The following TRPM3 variants were observed in gnomAD, a reference collection of about 807,000 sequenced individuals.
TRPM3 encodes transient receptor potential cation channel subfamily M member 3.
In TRPM3, 77 loss-of-function variants were observed where a neutral mutation model predicts 181.2. The ratio of observed to expected loss-of-function variants is 0.42; its 90% CI spans 0.35 to 0.51. The LOEUF (loss-of-function observed/expected upper bound fraction) is 0.51, where lower values mean the gene tolerates loss of function less well. TRPM3 is among the 20% of genes least tolerant of loss of function. The pLI, the probability that TRPM3 is intolerant of heterozygous loss-of-function variation, is 0.01. For synonymous variants in TRPM3, 745 were observed against 796.4 expected (o/e 0.94, Z 1.09); for missense variants, 1,759 against 2,196.7 (o/e 0.80, Z 3.98).
chr9:70,938,547 ATGG>A (rs1589920260), intron 1 of TRPM3, among the ~76,000 whole-genome samples: 1 of 151,972 alleles, frequency 6.6e-6, no homozygotes, highest in Non-Finnish European at 1.5e-5. Context: ...CATTCTTTAA[ATGG>A]TGATATCCAT....
intron 6 of TRPM3, 195 bp downstream of exon 6, chr9:70,827,652 G>A (rs1473481436): frequency 3.5e-6 from 2 of 572,088 alleles, no homozygotes; most frequent in Non-Finnish European, 6.0e-6. Context: ...CACTAATTGT[G>A]TAATTACTTC....
At chr9:70,636,835 G>A (rs148684341) in intron 11 of TRPM3, among the ~76,000 whole-genome samples, 32 of 151,880 alleles carry the variant, frequency 2.1e-4, no homozygotes, top group South Asian at 4.2e-4. Flanking sequence ...TTACAGATGT[G>A]CACCACCATG....
At chr9:71,114,585 T>C (rs908940434) in intron 1 of TRPM3, among the ~76,000 whole-genome samples, 1 of 152,166 alleles carries the variant, frequency 6.6e-6, no homozygotes, top group African/African-American at 2.4e-5. Context: ...TCCAGAATCG[T>C]TGGTTAGTTT....
At chr9:70,680,318 A>T (rs2065103318) in intron 9 of TRPM3, among the ~76,000 whole-genome samples, 1 of 152,226 alleles carries the variant, frequency 6.6e-6, no homozygotes. Context: ...TAACGTTTAC[A>T]GTATTTGTAA....
intron 1 of TRPM3, among the ~76,000 whole-genome samples, chr9:71,105,029 C>A (rs891732925): frequency 1.3e-5 from 2 of 152,164 alleles, no homozygotes; most frequent in East Asian, 3.9e-4. Context: ...CAAGAATGTT[C>A]ATAGCAGCTT....
chr9:70,590,830 C>G (rs771976961), intron 22 of TRPM3, among the ~76,000 whole-genome samples: 6 of 152,120 alleles, frequency 3.9e-5, no homozygotes, highest in African/African-American at 9.7e-5. Flanking sequence ...CATGACATAC[C>G]TAAAGAAATA....
chr9:71,352,872 T>C (rs1361001568), intron 1 of TRPM3, among the ~76,000 whole-genome samples: 1 of 152,258 alleles, frequency 6.6e-6, no homozygotes, highest in East Asian at 1.9e-4. Flanking sequence ...GCTCTTTTCC[T>C]GCCCGCTTCC....
At chr9:70,685,191 C>G (rs987558284) in intron 8 of TRPM3, among the ~76,000 whole-genome samples, 1 of 152,048 alleles carries the variant, frequency 6.6e-6, no homozygotes, top group African/African-American at 2.4e-5. Context: ...TTAAGAATAT[C>G]AAAATCAAGA....
At chr9:70,579,939 G>A (rs2055190075) in intron 22 of TRPM3, among the ~76,000 whole-genome samples, 1 of 152,146 alleles carries the variant, frequency 6.6e-6, no homozygotes, top group African/African-American at 2.4e-5. Context: ...CACGCATGCT[G>A]AGCCATCAGC....
At chr9:70,798,686 A>G (rs1256977048) in intron 6 of TRPM3, among the ~76,000 whole-genome samples, 1 of 152,188 alleles carries the variant, frequency 6.6e-6, no homozygotes, top group East Asian at 1.9e-4. Flanking sequence ...AAAAGGTACA[A>G]TGCTTAGGAT....
chr9:70,763,249 C>T (rs2078485092), intron 7 of TRPM3, among the ~76,000 whole-genome samples: 1 of 152,146 alleles, frequency 6.6e-6, no homozygotes, highest in African/African-American at 2.4e-5. Flanking sequence ...GTGGCTCCCA[C>T]CTGTAATCCT....
chr9:71,258,649 A>ATATGT (rs1446084131), intron 1 of TRPM3, among the ~76,000 whole-genome samples: 1 of 152,222 alleles, frequency 6.6e-6, no homozygotes. Context: ...CATTAAATTC[A>ATATGT]TATGTTCCTG....
chr9:71,287,033 A>G (rs2132242230), intron 1 of TRPM3, among the ~76,000 whole-genome samples: 1 of 138,666 alleles, frequency 7.2e-6, no homozygotes, highest in South Asian at 2.2e-4. Context: ...TATAATATAT[A>G]ACATATTGTA....
intron 1 of TRPM3, among the ~76,000 whole-genome samples, chr9:70,934,145 G>A (rs775787354): frequency 3.3e-5 from 5 of 152,140 alleles, no homozygotes; most frequent in African/African-American, 9.7e-5. Context: ...CTTTAAGTAT[G>A]ATACATGAAT....
intron 1 of TRPM3, among the ~76,000 whole-genome samples, chr9:71,117,402 C>A (rs1457040373): frequency 6.6e-6 from 1 of 152,082 alleles, no homozygotes; most frequent in African/African-American, 2.4e-5. Context: ...CATTAAAAAC[C>A]TTTTGCACCA....
intron 1 of TRPM3, among the ~76,000 whole-genome samples, chr9:71,152,249 G>C (rs1406080772): frequency 6.6e-6 from 1 of 152,036 alleles, no homozygotes; most frequent in Non-Finnish European, 1.5e-5. Flanking sequence ...TCAAGTCAAG[G>C]CCACTGTTAA....
intron 1 of TRPM3, among the ~76,000 whole-genome samples, chr9:71,402,409 C>T (rs566616757): frequency 6.6e-6 from 1 of 152,070 alleles, no homozygotes; most frequent in Non-Finnish European, 1.5e-5. Flanking sequence ...TTTTGGTAAC[C>T]CTTATCTTTA....
At chr9:70,561,313 T>C (rs2049012184) in intron 22 of TRPM3, among the ~76,000 whole-genome samples, 1 of 152,170 alleles carries the variant, frequency 6.6e-6, no homozygotes, top group Non-Finnish European at 1.5e-5. Flanking sequence ...GAGGACAAAT[T>C]TGATTTAGAT....
intron 3 of TRPM3, among the ~76,000 whole-genome samples, chr9:70,859,308 A>G (rs1334350705): frequency 6.6e-6 from 1 of 152,156 alleles, no homozygotes; most frequent in African/African-American, 2.4e-5. Flanking sequence ...CAGTGTCTAT[A>G]TGTGTCCCCT....
Sources: allele counts gnomAD v4.1 joint callset (sites outside exome capture counted in the v4.1 genomes callset), GRCh38; gene constraint gnomAD v4.1.1; transcripts MANE v1.5; gene names NCBI Gene and HGNC (gene_info 2026-07-23, HGNC 2026-07-21).